EPHA3: variants seen among roughly 807,000 people sequenced by gnomAD.
The protein encoded by EPHA3 is ephrin type-A receptor 3.
EPHA3 carries 42 observed loss-of-function variants against 107.1 expected under a neutral mutation model. That is an observed-to-expected ratio of 0.39 (90% CI 0.31 to 0.51). The LOEUF (loss-of-function observed/expected upper bound fraction) is 0.51. Ranked by LOEUF, EPHA3 falls within the 20% of genes least tolerant of loss-of-function variation. The pLI is 0.78. For synonymous variants in EPHA3, 461 were observed against 424.8 expected (o/e 1.09, Z -1.05); for missense variants, 1,183 against 1,211.2 (o/e 0.98, Z 0.35).
chr3:89,256,199 C>T (rs1274036778), intron 3 of EPHA3, among the ~76,000 whole-genome samples: 5 of 151,094 alleles, frequency 3.3e-5, no homozygotes, highest in South Asian at 2.1e-4. Flanking sequence ...TGCAGTTAGC[C>T]GAGATTGCAC....
chr3:89,467,205 G>C (rs1306778205), intron 15 of EPHA3, among the ~76,000 whole-genome samples: 1 of 152,014 alleles, frequency 6.6e-6, no homozygotes, highest in African/African-American at 2.4e-5. Flanking sequence ...GGAAACATTT[G>C]AAATTTTAAA....
At chr3:89,286,962 C>T (rs2107322854) in intron 3 of EPHA3, among the ~76,000 whole-genome samples, 1 of 152,188 alleles carries the variant, frequency 6.6e-6, no homozygotes, top group Non-Finnish European at 1.5e-5. Context: ...TTTTTAGACT[C>T]ACTTTATATC....
intron 2 of EPHA3, among the ~76,000 whole-genome samples, chr3:89,204,059 G>A (rs1706041114): frequency 6.6e-6 from 1 of 152,070 alleles, no homozygotes; most frequent in Non-Finnish European, 1.5e-5. Context: ...GCCCAATATT[G>A]GTGAGAATTC....
chr3:89,188,855 G>T (rs1705637185), intron 2 of EPHA3, among the ~76,000 whole-genome samples: 1 of 152,052 alleles, frequency 6.6e-6, no homozygotes, highest in African/African-American at 2.4e-5. Context: ...TTCACTATCT[G>T]TTCTCTTTTT....
In EPHA3 at chr3:89,481,533, ATTCTG is replaced by A. The variant is rs529705703; in HGVS notation, c.*2032_*2036del. On this transcript the variant is annotated 3_prime_UTR_variant, in exon 17 of 17. Coordinates refer to ENST00000336596, the MANE Select transcript of EPHA3 (RefSeq NM_005233.6). ...ACTACTATTTTCTTTTTTAGGTACTATTCTGAGCATACTCAACAAAACCCATGCAT... is the reference window on the plus strand; with the variant it reads ...ACTACTATTTTCTTTTTTAGGTACTAAGCATACTCAACAAAACCCATGCAT... 4.8e-4 allele frequency: 112 copies of A among 232,430 alleles called. No homozygotes were observed. The highest frequency in any genetic ancestry group is 2.2e-3 in the African/African-American group (98 of 45,416). 14.4% of individuals were successfully genotyped at this position (232,430 alleles called of 1,614,324 possible).
chr3:89,233,518 C>T (rs1183125474), intron 3 of EPHA3, among the ~76,000 whole-genome samples: 1 of 152,158 alleles, frequency 6.6e-6, no homozygotes, highest in Non-Finnish European at 1.5e-5. Context: ...TTTGCTTCTA[C>T]CTCCCCTGCT....
intron 5 of EPHA3, among the ~76,000 whole-genome samples, chr3:89,385,977 G>A (rs114495771): frequency 0.016 from 2,432 of 152,264 alleles, 67 homozygotes; most frequent in African/African-American, 0.055. Context: ...TTAATAGCTT[G>A]GCAAAGAGAC....
In EPHA3 at chr3:89,140,209, T is replaced by A. The variant is rs536352245; in HGVS notation, c.153+12936T>A. On this transcript the variant is annotated intron_variant, in intron 2 of 16. Coordinates refer to ENST00000336596, the MANE Select transcript of EPHA3 (RefSeq NM_005233.6). ...AAAGATTAATCTAAATCTGCTTGCA[T>A]TGAAAGAGTATTTTCAAATGTTGCT... is the stretch of plus-strand genomic sequence containing the variant. Among the ~76,000 whole-genome samples, 211 of 152,002 alleles carry A rather than the reference T, an allele frequency of 1.4e-3. 2 individuals carry two copies. The highest frequency in any genetic ancestry group is 4.8e-3 in the African/African-American group (198 of 41,526).
In EPHA3 at chr3:89,407,375, A is replaced by T; in HGVS notation, c.1697+4A>T. The T allele has an allele frequency of 6.2e-7, 1 of 1,610,196 alleles. No individual in the cohort carries two copies. The highest frequency in any genetic ancestry group is 8.5e-7 in the Non-Finnish European group (1 of 1,176,728). On this transcript the variant is annotated splice_donor_region_variant and intron_variant, in intron 8 of 16. Transcript: ENST00000336596. ...TCATCTATGTTTTGATTGGGAGGTG[A>T]GTTCACAGTCTGTTTCACTATTCAC...
intron 2 of EPHA3, among the ~76,000 whole-genome samples, chr3:89,180,838 C>T (rs990600427): frequency 4.0e-5 from 6 of 151,884 alleles, no homozygotes; most frequent in Admixed American, 3.9e-4. Context: ...TATGGGACTA[C>T]TCTGGCAAGT....
At chr3:89,171,921 A>G (rs1705218533) in intron 2 of EPHA3, among the ~76,000 whole-genome samples, 1 of 152,128 alleles carries the variant, frequency 6.6e-6, no homozygotes, top group South Asian at 2.1e-4. Flanking sequence ...TAATCTTTCT[A>G]TAGACAGAAG....
chr3:89,272,096 G>T (rs1215099058), intron 3 of EPHA3, among the ~76,000 whole-genome samples: 3 of 151,480 alleles, frequency 2.0e-5, no homozygotes, highest in Admixed American at 6.6e-5. Flanking sequence ...ATACAAATAC[G>T]CATTAATCGA....
intron 1 of EPHA3, among the ~76,000 whole-genome samples, chr3:89,117,416 T>A (rs1707282968): frequency 2.6e-5 from 4 of 152,104 alleles, no homozygotes; most frequent in Admixed American, 2.6e-4. Context: ...CAAACGCAAT[T>A]TAGCAATTAA....
intron 11 of EPHA3, among the ~76,000 whole-genome samples, chr3:89,420,927 C>T (rs1171202928): frequency 6.6e-6 from 1 of 151,380 alleles, no homozygotes; most frequent in Non-Finnish European, 1.5e-5. Context: ...TACCACTACC[C>T]TGTGAATTAG....
At chr3:89,331,060 G>C (rs151174129) in intron 3 of EPHA3, among the ~76,000 whole-genome samples, 2 of 152,214 alleles carry the variant, frequency 1.3e-5, no homozygotes, top group Admixed American at 1.3e-4. Context: ...TGTGTAGACA[G>C]AGTGAGAGAC....
intron 3 of EPHA3, among the ~76,000 whole-genome samples, chr3:89,272,440 G>T (rs1259199432): frequency 6.6e-6 from 1 of 151,914 alleles, no homozygotes; most frequent in Admixed American, 6.6e-5. Flanking sequence ...TTAAACCAAA[G>T]CCCTCTCTTA....
chr3:89,341,061 G>C lies in EPHA3; in HGVS notation c.960G>C (p.Met320Ile). ...YFRADKDPPS[M>I]ACTRPPSSPR... Reference sequence around the variant, plus strand: ...GGGCAGACAAAGACCCTCCATCCATGGCTTGTACCCGTGAGTAGTTTTGCT... The same window carrying C: ...GGGCAGACAAAGACCCTCCATCCATCGCTTGTACCCGTGAGTAGTTTTGCT... The change falls in exon 4 of 17, where the codon ATG (methionine) becomes ATC (isoleucine). Residue 320 changes from methionine to isoleucine, a missense_variant. By Grantham distance (10) the Met-to-Ile change is conservative. Coordinates refer to ENST00000336596, the MANE Select transcript of EPHA3 (RefSeq NM_005233.6). 1 of 1,612,966 alleles carries C rather than the reference G, an allele frequency of 6.2e-7. No homozygotes were observed. Among genetic ancestry groups the C allele is most frequent in the Non-Finnish European group, 8.5e-7 (1 of 1,179,680 alleles).
At chr3:89,376,459 A>G (rs1288206303) in intron 5 of EPHA3, among the ~76,000 whole-genome samples, 2 of 151,900 alleles carry the variant, frequency 1.3e-5, no homozygotes, top group Non-Finnish European at 2.9e-5. Flanking sequence ...TAGTACAATC[A>G]GATTTTGCTT....
chr3:89,416,351 G>A (rs1217490401), intron 10 of EPHA3, among the ~76,000 whole-genome samples: 2 of 151,370 alleles, frequency 1.3e-5, no homozygotes, highest in Non-Finnish European at 1.5e-5. Flanking sequence ...TCATATGGGT[G>A]CAAAGTTAAT....
Sources: allele counts gnomAD v4.1 joint callset (sites outside exome capture counted in the v4.1 genomes callset), GRCh38; gene constraint gnomAD v4.1.1; transcripts MANE v1.5; gene names NCBI Gene and HGNC (gene_info 2026-07-23, HGNC 2026-07-21).